The following ACTA2 variants were observed in gnomAD, a reference collection of about 807,000 sequenced individuals.
ACTA2 encodes actin, aortic smooth muscle.
Under a neutral mutation model 39.5 loss-of-function variants are expected in ACTA2, and 12 were observed. The ratio of observed to expected loss-of-function variants is 0.30; its 90% CI spans 0.19 to 0.49. The LOEUF (loss-of-function observed/expected upper bound fraction) is 0.49. ACTA2 is among the 20% of genes least tolerant of loss of function. The pLI is 0.99. For synonymous variants in ACTA2, 158 were observed against 180.6 expected (o/e 0.88, Z 1.00); for missense variants, 236 against 498.8 (o/e 0.47, Z 5.02).
intron 1 of ACTA2, among the ~76,000 whole-genome samples, chr10:88,962,455 T>C (rs1294731742): frequency 6.6e-6 from 1 of 152,102 alleles, no homozygotes; most frequent in Non-Finnish European, 1.5e-5. Context: ...AAAGAGGAGA[T>C]AGTCTCAGTT....
At chr10:88,967,135 A>C (rs964548960) in intron 1 of ACTA2, among the ~76,000 whole-genome samples, 2 of 152,328 alleles carry the variant, frequency 1.3e-5, no homozygotes, top group South Asian at 4.1e-4. Context: ...TAAAAGCTGC[A>C]ACTTGGAATT....
At chr10:88,951,093 C>T (rs928667140) in intron 1 of ACTA2, among the ~76,000 whole-genome samples, 8 of 152,106 alleles carry the variant, frequency 5.3e-5, no homozygotes, top group African/African-American at 1.9e-4. Flanking sequence ...CTTCTTTTCC[C>T]TTTCCAGATG....
chr10:88,990,536 C>A lies in ACTA2; in HGVS notation c.-24+403G>T, dbSNP rs1305114134. On this transcript the variant is annotated intron_variant, in intron 1 of 4. Transcript: ENST00000415557. The surrounding 1 kb of genome is among the most constrained non-coding windows in gnomAD (Gnocchi z 4.9). ...CACCCTGACTTCTCCCCCTCCCTAC[C>A]CGCGCGCAGGCCAAGTTGCTGAATC... 3.2e-6 allele frequency: 2 copies of A among 618,662 alleles called. No homozygotes were observed. Among genetic ancestry groups the A allele is most frequent in the Non-Finnish European group, 6.0e-6 (2 of 332,022 alleles). 38.3% of individuals were successfully genotyped at this position (618,662 alleles called of 1,614,324 possible).
At chr10:88,937,861 A>G (rs952216120) in intron 8 of ACTA2, among the ~76,000 whole-genome samples, 200 bp downstream of exon 8, 3 of 152,222 alleles carry the variant, frequency 2.0e-5, no homozygotes, top group Non-Finnish European at 4.4e-5. Context: ...ATAGAGATCA[A>G]ATTTTATATA....
intron 2 of ACTA2, 76 bp from the exon 3 acceptor site, chr10:88,947,462 T>G: frequency 6.3e-7 from 1 of 1,596,416 alleles, no homozygotes; most frequent in Non-Finnish European, 8.6e-7. Flanking sequence ...CACAAAAGGT[T>G]AAGTCATTGA....
rs186223698 is a variant in ACTA2 at position 88,969,108 on chromosome 10, A to C, written c.-23-20155T>G. Among the ~76,000 whole-genome samples, 14 of 152,272 alleles carry C rather than the reference A, an allele frequency of 9.2e-5. No individual in the cohort carries two copies. The East Asian group carries it at 2.7e-3, about 29-fold the overall frequency. ...TGTGTTTTTTTCTCTCTTATTAAATAATACTCAAGACAAACACTTTTATAA... is the reference window on the plus strand; with the variant it reads ...TGTGTTTTTTTCTCTCTTATTAAATCATACTCAAGACAAACACTTTTATAA... On this transcript the variant is annotated intron_variant, in intron 1 of 4. Transcript: ENST00000415557.
chr10:88,986,197 T>C (rs1846876489), intron 1 of ACTA2, among the ~76,000 whole-genome samples: 2 of 152,230 alleles, frequency 1.3e-5, no homozygotes, highest in African/African-American at 4.8e-5. Context: ...AAATTTTATC[T>C]GCCCCCAAAT....
chr10:88,943,455 T>C (rs1404321623), intron 4 of ACTA2, among the ~76,000 whole-genome samples: 1 of 152,218 alleles, frequency 6.6e-6, no homozygotes, highest in Non-Finnish European at 1.5e-5. Context: ...GATCCAGTTT[T>C]CAAACCTAGA....
intron 1 of ACTA2, chr10:88,973,355 A>C: frequency 6.7e-7 from 1 of 1,486,464 alleles, no homozygotes; most frequent in Non-Finnish European, 9.0e-7. Context: ...TAGGTAATCC[A>C]AGAATTGCCA....
At chr10:88,980,689 TG>T (rs1297914962) in intron 1 of ACTA2, among the ~76,000 whole-genome samples, 1 of 152,188 alleles carries the variant, frequency 6.6e-6, no homozygotes, top group African/African-American at 2.4e-5. Flanking sequence ...TCAAAGAAAG[TG>T]GCCAAAATGT....
At chr10:88,989,209 CTT>C (rs1847021986) in intron 1 of ACTA2, among the ~76,000 whole-genome samples, 2 of 152,184 alleles carry the variant, frequency 1.3e-5, no homozygotes, top group Non-Finnish European at 2.9e-5. Flanking sequence ...GAGTTGCTGG[CTT>C]ATAATTCACA....
At chr10:88,985,605 C>G (rs1846856905) in intron 1 of ACTA2, among the ~76,000 whole-genome samples, 1 of 152,198 alleles carries the variant, frequency 6.6e-6, no homozygotes, top group South Asian at 2.1e-4. Context: ...GTCCCCTCAG[C>G]CTTTTCTAAC....
intron 8 of ACTA2, among the ~76,000 whole-genome samples, chr10:88,936,970 C>T (rs1323486184): frequency 6.6e-6 from 1 of 152,192 alleles, no homozygotes; most frequent in Non-Finnish European, 1.5e-5. Context: ...AACTGCCCAA[C>T]TCTAGCAATA....
intron 1 of ACTA2, among the ~76,000 whole-genome samples, chr10:88,979,612 C>CTT (rs550424129): frequency 4.2e-5 from 6 of 143,282 alleles, no homozygotes; most frequent in Non-Finnish European, 6.3e-5. Context: ...TTAATGATGA[C>CTT]TTTTTTTTTT....
chr10:88,965,037 TTTC>T (rs942120861), intron 1 of ACTA2, among the ~76,000 whole-genome samples: 32 of 152,154 alleles, frequency 2.1e-4, no homozygotes, highest in Admixed American at 6.6e-5. Flanking sequence ...TAGCTTCCCT[TTTC>T]TTCTTCTGCC....
At chr10:88,971,845 CT>C (rs1254891469) in intron 1 of ACTA2, among the ~76,000 whole-genome samples, 1 of 151,972 alleles carries the variant, frequency 6.6e-6, no homozygotes, top group Non-Finnish European at 1.5e-5. Flanking sequence ...TACAGTTTGC[CT>C]AACAGTTTAT....
intron 2 of ACTA2, among the ~76,000 whole-genome samples, chr10:88,947,841 T>C (rs939566203): frequency 6.6e-6 from 1 of 152,208 alleles, no homozygotes; most frequent in East Asian, 1.9e-4. Context: ...CAAAAGAATA[T>C]GAGCATTATT....
intron 1 of ACTA2, among the ~76,000 whole-genome samples, chr10:88,986,017 A>C (rs1481860685): frequency 6.6e-6 from 1 of 152,224 alleles, no homozygotes; most frequent in Non-Finnish European, 1.5e-5. Context: ...ATTTATGGTT[A>C]TAATGTAATG....
intron 1 of ACTA2, among the ~76,000 whole-genome samples, chr10:88,976,214 A>G (rs1470845114): frequency 1.3e-5 from 2 of 152,346 alleles, no homozygotes; most frequent in South Asian, 4.1e-4. Context: ...TAAAAAAAAA[A>G]TCGCCAAAAA....
Sources: gnomAD v4.1 joint callset for allele counts (sites outside exome capture counted in the v4.1 genomes callset) on GRCh38, gnomAD v4.1.1 for gene constraint, Gnocchi (gnomAD v3.1) non-coding constraint, MANE v1.5 for transcripts, NCBI Gene and HGNC (gene_info 2026-07-23, HGNC 2026-07-21) for gene names.